The following DNAJB6 variants were observed in gnomAD, a reference collection of about 807,000 sequenced individuals.
DNAJB6 encodes the protein DnaJ heat shock protein family (Hsp40) member B6.
Under a neutral mutation model 42.7 loss-of-function variants are expected in DNAJB6, and 16 were observed. The observed-to-expected ratio is 0.37, with a 90% confidence interval of 0.25 to 0.57. The LOEUF (loss-of-function observed/expected upper bound fraction) is 0.57. DNAJB6 is among the 20% of genes least tolerant of loss of function. DNAJB6 has a pLI of 0.74. For synonymous variants in DNAJB6, 170 were observed against 163.5 expected, an observed-to-expected ratio of 1.04 and a Z score of -0.30; for missense variants, 347 against 416.8, an observed-to-expected ratio of 0.83 and a Z score of 1.46.
chr7:157,369,731 T>A (rs1221405413), intron 5 of DNAJB6, among the ~76,000 whole-genome samples: 2 of 142,790 alleles, frequency 1.4e-5, no homozygotes, highest in African/African-American at 5.5e-5. Context: ...CTTCTTCACA[T>A]TATTATTAAA....
intron 8 of DNAJB6, among the ~76,000 whole-genome samples, chr7:157,405,408 A>G (rs1795729044): frequency 6.6e-6 from 1 of 152,042 alleles, no homozygotes; most frequent in Non-Finnish European, 1.5e-5. Context: ...GGGTCTGTGC[A>G]TTCCCATATC....
intron 8 of DNAJB6, among the ~76,000 whole-genome samples, chr7:157,404,029 C>T (rs538496191): frequency 2.9e-4 from 44 of 151,876 alleles, no homozygotes; most frequent in Admixed American, 1.2e-3. Context: ...TGCAGTGGTG[C>T]GATCACAGCT....
In DNAJB6 at chr7:157,394,525, C is replaced by T. The variant is rs1348987938; in HGVS notation, c.691+8914C>T. ...GTCTGGTGATGGAGTGAGACCCTGT[C>T]TCAGAAAAAAAAAAGTTGAAAATAT... On this transcript the variant is annotated intron_variant, in intron 8 of 9. Coordinates refer to ENST00000262177, the MANE Select transcript of DNAJB6 (RefSeq NM_058246.4). Among the ~76,000 whole-genome samples, 5 of 122,898 alleles carry T rather than the reference C, an allele frequency of 4.1e-5. No homozygotes were observed. In the East Asian group the frequency reaches 1.0e-3, roughly 25 times the overall value. The allele number at this position is 122,898 out of a possible 152,430, so 80.6% of individuals were successfully genotyped here. A position where few individuals can be genotyped will look rare whatever the true frequency, so the allele number is the denominator to read the frequency against.
intron 6 of DNAJB6, among the ~76,000 whole-genome samples, chr7:157,384,326 C>T (rs561623141): frequency 6.6e-6 from 1 of 152,226 alleles, no homozygotes; most frequent in East Asian, 1.9e-4. Flanking sequence ...CCCCTGTGGT[C>T]CTGTGGCAAA....
chr7:157,415,320 C>CACTT (rs1418374770), intron 9 of DNAJB6: 4 of 152,238 alleles, frequency 2.6e-5, no homozygotes, highest in African/African-American at 7.2e-5. Flanking sequence ...TTTCTCCATG[C>CACTT]ACTTCAGCTG....
intron 5 of DNAJB6, chr7:157,372,019 A>C (rs982689126): frequency 3.9e-5 from 6 of 152,306 alleles, no homozygotes; most frequent in Middle Eastern, 3.2e-3. Context: ...ATAGAGGAGG[A>C]GTCCTGTGGT....
chr7:157,352,728 A>C lies in DNAJB6; in HGVS notation c.-26-5819A>C, dbSNP rs138018732. ...AAGCAGGTAGCACTTAGGATATTCTAGATGGAGCTCAGGGCTTTCTTCCCT... is the reference window on the plus strand; with the variant it reads ...AAGCAGGTAGCACTTAGGATATTCTCGATGGAGCTCAGGGCTTTCTTCCCT... On this transcript the variant is annotated intron_variant, in intron 1 of 9. Coordinates refer to ENST00000262177, the MANE Select transcript of DNAJB6 (RefSeq NM_058246.4). Among the ~76,000 whole-genome samples, 1,096 of 152,264 alleles carry C rather than the reference A, an allele frequency of 7.2e-3. 11 individuals are homozygous for C. The highest frequency in any genetic ancestry group is 0.037 in the Middle Eastern group (11 of 294).
At chr7:157,343,983 G>T (rs915501127) in intron 1 of DNAJB6, among the ~76,000 whole-genome samples, 3 of 151,942 alleles carry the variant, frequency 2.0e-5, no homozygotes, top group African/African-American at 7.2e-5. Flanking sequence ...GTTTTCTATG[G>T]CTTCCTTAAT....
rs991915925 is a variant in DNAJB6, at chr7:157,366,551, TGGA to T, written c.234_235+1del. ...AATATGGCAAAGAAGGATTAAATGG[TGGA>T]GGAGGAGGTAAGTACGTGAGTTTTT... On this transcript the variant is annotated inframe_deletion, in exon 4 of 10. Coordinates refer to ENST00000262177, the MANE Select transcript of DNAJB6 (RefSeq NM_058246.4). 1.9e-6 allele frequency: 3 copies of T among 1,613,678 alleles called. No individual in the cohort carries two copies. In the African/African-American group the frequency reaches 4.0e-5, roughly 22 times the overall value.
At chr7:157,365,660 AG>A (rs1427695938) in intron 3 of DNAJB6, among the ~76,000 whole-genome samples, 1 of 152,162 alleles carries the variant, frequency 6.6e-6, no homozygotes. Context: ...AATGGAATAA[AG>A]AAAAAAATTT....
chr7:157,406,103 A>T (rs1795758200), intron 8 of DNAJB6, among the ~76,000 whole-genome samples: 1 of 152,240 alleles, frequency 6.6e-6, no homozygotes, highest in South Asian at 2.1e-4. Context: ...CCTCCTGTTC[A>T]GACCAACTGT....
chr7:157,369,578 G>A (rs572994785), intron 5 of DNAJB6: 75 of 327,246 alleles, frequency 2.3e-4, no homozygotes, highest in Non-Finnish European at 3.5e-4. Context: ...TATTAAACAG[G>A]CCGTTTCTCA....
chr7:157,388,236 A>G (rs1049079364), intron 8 of DNAJB6, among the ~76,000 whole-genome samples: 1 of 152,238 alleles, frequency 6.6e-6, no homozygotes, highest in African/African-American at 2.4e-5. Context: ...GTTGCTGTCA[A>G]ATCTTACACC....
chr7:157,399,191 A>C (rs1375700702), intron 8 of DNAJB6, among the ~76,000 whole-genome samples: 1 of 152,206 alleles, frequency 6.6e-6, no homozygotes, highest in Non-Finnish European at 1.5e-5. Flanking sequence ...ATCTTGCACG[A>C]GTCAGGCTGC....
chr7:157,386,524 A>G (rs1002158389), intron 8 of DNAJB6, among the ~76,000 whole-genome samples: 2 of 152,202 alleles, frequency 1.3e-5, no homozygotes, highest in African/African-American at 4.8e-5. Context: ...TAACATTTCT[A>G]CAGGAGAGGG....
intron 8 of DNAJB6, among the ~76,000 whole-genome samples, chr7:157,394,403 C>T (rs1227808554): frequency 2.0e-5 from 3 of 152,104 alleles, no homozygotes; most frequent in African/African-American, 7.2e-5. Context: ...TGGTGGCTCA[C>T]GCCTGTATTC....
At chr7:157,392,209 A>G (rs1043590819) in intron 8 of DNAJB6, among the ~76,000 whole-genome samples, 4 of 152,064 alleles carry the variant, frequency 2.6e-5, no homozygotes, top group Admixed American at 6.6e-5. Context: ...CTGTCTGTCA[A>G]CAGTTTCTAA....
chr7:157,384,861 C>T lies in DNAJB6; in HGVS notation c.479-6C>T, dbSNP rs776853280. The T allele has an allele frequency of 1.2e-6, 2 of 1,607,670 alleles. No homozygotes were observed. The highest frequency in any genetic ancestry group is 2.2e-5 in the East Asian group (1 of 44,760). The stretch of plus-strand genomic sequence containing the variant: ...TTAAGCATTTTTCTTTTCTGTTTTC[C>T]TGTAGGATTTACTTCATTTGGGTCA... On this transcript the variant is annotated splice_polypyrimidine_tract_variant and splice_region_variant and intron_variant, in intron 6 of 9. Transcript: ENST00000262177.
At chr7:157,389,257 C>T (rs963266336) in intron 8 of DNAJB6, among the ~76,000 whole-genome samples, 3 of 152,168 alleles carry the variant, frequency 2.0e-5, no homozygotes, top group African/African-American at 7.2e-5. Context: ...GAATACTGAT[C>T]TTGTTTTAAG....
Sources: gnomAD v4.1 joint callset for allele counts (sites outside exome capture counted in the v4.1 genomes callset) on GRCh38, gnomAD v4.1.1 for gene constraint, MANE v1.5 for transcripts, NCBI Gene and HGNC (gene_info 2026-07-23, HGNC 2026-07-21) for gene names.